KIRREL3: variants seen among roughly 807,000 people sequenced by gnomAD.
KIRREL3 encodes kin of IRRE-like protein 3.
A neutral mutation model predicts 89.7 loss-of-function variants in KIRREL3; 36 were observed. The ratio of observed to expected loss-of-function variants is 0.40; its 90% confidence interval spans 0.31 to 0.53. The LOEUF is 0.53. KIRREL3 is among the 20% of genes least tolerant of loss of function. The probability of loss-of-function intolerance (pLI) is 0.49; values close to 1 mark genes in which losing one functional copy is unlikely to be tolerated. For synonymous variants in KIRREL3, 445 were observed against 441.4 expected (o/e 1.01, Z -0.10); for missense variants, 864 against 1,056.6 (o/e 0.82, Z 2.53).
rs114690987 is a variant in KIRREL3, at chr11:126,842,746, G to A, written c.55+157709C>T. ...TAGGGGCTGTAATGGGCCAGTTAAT[G>A]TTATTGGTAATGAGGACACATTTAC... On this transcript the variant is annotated intron_variant, in intron 1 of 16. Transcript: ENST00000525144. 3.5e-3 allele frequency among the ~76,000 whole-genome samples: 540 copies of A among 152,286 alleles called. 2 individuals are homozygous for A. Among genetic ancestry groups the A allele is most frequent in the African/African-American group, 0.012 (518 of 41,572 alleles).
chr11:126,668,333 C>T lies in KIRREL3; in HGVS notation c.56-105421G>A, dbSNP rs891520314. ...AACTCCGTTTTCATGACCTAATCAC[C>T]TCCCAAAGGCCTCACCTCCTAATAC... On this transcript the variant is annotated intron_variant, in intron 1 of 16. Coordinates refer to ENST00000525144, the MANE Select transcript of KIRREL3 (RefSeq NM_032531.4). This position sits in a 1 kb window ranked among gnomAD's most constrained non-coding sequence, Gnocchi z 4.4. Among the ~76,000 whole-genome samples, 2 of 152,178 alleles carry T rather than the reference C, an allele frequency of 1.3e-5. No individual in the cohort carries two copies. The highest frequency in any genetic ancestry group is 1.9e-4 in the East Asian group (1 of 5,196).
In KIRREL3 at chr11:126,491,849, G is replaced by C. The variant is rs542350838; in HGVS notation, c.434-18383C>G. Reference sequence around the variant, plus strand: ...CCTGAGTAGCTGGGACTACAGGCGCGCACCACCATGCCTGGCTAATTTTTG... The same window carrying C: ...CCTGAGTAGCTGGGACTACAGGCGCCCACCACCATGCCTGGCTAATTTTTG... On this transcript the variant is annotated intron_variant, in intron 4 of 16. Coordinates refer to ENST00000525144, the MANE Select transcript of KIRREL3 (RefSeq NM_032531.4). This position sits in a 1 kb window ranked among gnomAD's most constrained non-coding sequence, Gnocchi z 5.5. 4.6e-5 allele frequency among the ~76,000 whole-genome samples: 7 copies of C among 151,980 alleles called. No homozygotes were observed. Among genetic ancestry groups the C allele is most frequent in the South Asian group, 2.1e-4 (1 of 4,802 alleles).
At position 126,431,654 on chromosome 11, in the gene KIRREL3, G is replaced by A; in HGVS notation, c.1589-128C>T. 1 of 896,160 alleles carries A rather than the reference G, an allele frequency of 1.1e-6. No homozygotes were observed. 55.5% of individuals were successfully genotyped at this position (896,160 alleles called of 1,614,324 possible). ...GCCCTCCTGGGAAATGCCTCAGTGG[G>A]GCCTGGGCAGGCACAGGCCGAGTCC... On this transcript the variant is annotated intron_variant, in intron 13 of 16. Transcript: ENST00000525144. This position sits in a 1 kb window ranked among gnomAD's most constrained non-coding sequence, Gnocchi z 7.1.
Position 126,463,945 on chromosome 11 carries a change from G to T in KIRREL3, c.592-638C>A. Among the ~76,000 whole-genome samples, 1 of 152,288 alleles carries T rather than the reference G, an allele frequency of 6.6e-6. No homozygotes were observed. Among genetic ancestry groups the T allele is most frequent in the African/African-American group, 2.4e-5 (1 of 41,552 alleles). ...TACCATTATCTCCCATTGGATAGGG[G>T]AGGAAATAGGTGGGCTAGACAGAGG... On this transcript the variant is annotated intron_variant, in intron 5 of 16. Transcript: ENST00000525144. The surrounding 1 kb of genome is among the most constrained non-coding windows in gnomAD (Gnocchi z 5.9).
rs1257614157 is a variant in KIRREL3, at chr11:126,976,450, T to C, written c.55+24005A>G. On this transcript the variant is annotated intron_variant, in intron 1 of 16. Transcript: ENST00000525144. The surrounding 1 kb of genome is among the most constrained non-coding windows in gnomAD (Gnocchi z 4.2). ...GAGATTTATATGTTTACCTGTCCAC[T>C]GTTTCTGAATCTACTGTCATCTACA... is the stretch of plus-strand genomic sequence containing the variant. 6.6e-6 allele frequency among the ~76,000 whole-genome samples: 1 copy of C among 152,218 alleles called. No individual in the cohort carries two copies. Among genetic ancestry groups the C allele is most frequent in the Non-Finnish European group, 1.5e-5 (1 of 68,020 alleles).
intron 1 of KIRREL3, among the ~76,000 whole-genome samples, chr11:126,726,906 T>A (rs1019931810): frequency 2.6e-5 from 4 of 152,216 alleles, no homozygotes; most frequent in Admixed American, 6.5e-5. Flanking sequence ...CTGGCTGTGA[T>A]GTCCTGGCTC....
Position 126,752,638 on chromosome 11 carries a change from C to G in KIRREL3, c.56-189726G>C, listed in dbSNP as rs556675495. On this transcript the variant is annotated intron_variant, in intron 1 of 16. Coordinates refer to ENST00000525144, the MANE Select transcript of KIRREL3 (RefSeq NM_032531.4). The surrounding 1 kb of genome is among the most constrained non-coding windows in gnomAD (Gnocchi z 4.8). ...ACTCTAATGACTACTATTCCCCCCC[C>G]ACCCACTGCCTCCCAAGATTCACAT... Among the ~76,000 whole-genome samples, 2 of 152,134 alleles carry G rather than the reference C, an allele frequency of 1.3e-5. No homozygotes were observed. The highest frequency in any genetic ancestry group is 1.3e-4 in the Admixed American group (2 of 15,278).
In KIRREL3 at chr11:126,540,306, A is replaced by G. The variant is rs75309733; in HGVS notation, c.134-13619T>C. 5.9e-3 allele frequency among the ~76,000 whole-genome samples: 906 copies of G among 152,310 alleles called. 4 individuals carry two copies. The highest frequency in any genetic ancestry group is 0.021 in the African/African-American group (877 of 41,566). On this transcript the variant is annotated intron_variant, in intron 2 of 16. Transcript: ENST00000525144. ...CTAGAATTTTACTTGGACTTACAAA[A>G]AAGAGGCTGACTGCTCTTCCCAGGG...
chr11:126,470,710 C>T (rs1432795204), intron 5 of KIRREL3, among the ~76,000 whole-genome samples: 1 of 152,162 alleles, frequency 6.6e-6, no homozygotes, highest in African/African-American at 2.4e-5. Flanking sequence ...AGGCTGGGCC[C>T]CCAGCTGCGG....
At chr11:126,509,852 C>T (rs143090022) in intron 4 of KIRREL3, among the ~76,000 whole-genome samples, 376 of 152,086 alleles carry the variant, frequency 2.5e-3, no homozygotes, top group African/African-American at 8.9e-3. Flanking sequence ...AGAAAATTAG[C>T]TGGGCGTGGT....
intron 10 of KIRREL3, among the ~76,000 whole-genome samples, chr11:126,442,279 A>C (rs1488400497): frequency 9.7e-5 from 11 of 113,526 alleles, no homozygotes; most frequent in Non-Finnish European, 2.2e-4. Context: ...AAAACAAAAA[A>C]AAAACAAAAA....
chr11:126,885,989 T>A (rs1945680277), intron 1 of KIRREL3, among the ~76,000 whole-genome samples: 1 of 152,228 alleles, frequency 6.6e-6, no homozygotes, highest in South Asian at 2.1e-4. Flanking sequence ...TTCCCACATT[T>A]AATGCGTTCC....
rs150719732 is a variant in KIRREL3 at position 126,684,815 on chromosome 11, C to T, written c.56-121903G>A. ...GGAAAGGTGCGGCAGGTTGCGTGTG[C>T]GGGAGGGGAGAGGTAGTGTTGGCTT... On this transcript the variant is annotated intron_variant, in intron 1 of 16. Coordinates refer to ENST00000525144, the MANE Select transcript of KIRREL3 (RefSeq NM_032531.4). The surrounding 1 kb of genome is among the most constrained non-coding windows in gnomAD (Gnocchi z 4.2). Among the ~76,000 whole-genome samples the T allele has an allele frequency of 7.6e-4, 116 of 152,132 alleles. 1 individual carries two copies. The highest frequency in any genetic ancestry group is 2.7e-3 in the African/African-American group (114 of 41,524).
chr11:126,966,694 C>T (rs757114107), intron 1 of KIRREL3, among the ~76,000 whole-genome samples: 2 of 152,132 alleles, frequency 1.3e-5, no homozygotes, highest in African/African-American at 2.4e-5. Flanking sequence ...GCCACTGGCC[C>T]TTCTCTTAAC....
At chr11:126,425,844 T>C in intron 15 of KIRREL3, 120 bp from the exon 16 acceptor site, 1 of 717,662 alleles carries the variant, frequency 1.4e-6, no homozygotes. Flanking sequence ...CACCCCTCAC[T>C]GCCTGGACCA....
intron 7 of KIRREL3, among the ~76,000 whole-genome samples, chr11:126,452,460 G>T (rs897865549): frequency 6.6e-6 from 1 of 152,250 alleles, no homozygotes; most frequent in Non-Finnish European, 1.5e-5. Context: ...AGCTGGCTGG[G>T]CTGGGAAGGC....
chr11:126,992,839 G>T (rs1950072472), intron 1 of KIRREL3, among the ~76,000 whole-genome samples: 1 of 152,250 alleles, frequency 6.6e-6, no homozygotes, highest in East Asian at 1.9e-4. Flanking sequence ...ATTCCTCAAT[G>T]CACTCTTTCT....
intron 1 of KIRREL3, among the ~76,000 whole-genome samples, chr11:126,718,358 C>A (rs1948047367): frequency 7.4e-6 from 1 of 134,296 alleles, no homozygotes; most frequent in African/African-American, 3.1e-5. Context: ...GTTGCGGAAC[C>A]CAACTCCAAG....
chr11:126,927,106 G>C (rs73573086), intron 1 of KIRREL3, among the ~76,000 whole-genome samples: 10,948 of 152,258 alleles, frequency 0.072, 484 homozygotes, highest in Middle Eastern at 0.12. Flanking sequence ...GGCCAAATTA[G>C]CCTCTGGAAT....
Sources: gnomAD v4.1 joint callset for allele counts (sites outside exome capture counted in the v4.1 genomes callset) on GRCh38, gnomAD v4.1.1 for gene constraint, Gnocchi (gnomAD v3.1) non-coding constraint, MANE v1.5 for transcripts, NCBI Gene and HGNC (gene_info 2026-07-23, HGNC 2026-07-21) for gene names.